The following ASB5 variants were observed in gnomAD, a reference collection of about 807,000 sequenced individuals.
ASB5 encodes the protein ankyrin repeat and SOCS box containing 5.
ASB5 carries 45 observed loss-of-function variants against 42.1 expected under a neutral mutation model. That is an observed-to-expected ratio of 1.07 (90% CI 0.84 to 1.37). ASB5 has a LOEUF of 1.37. ASB5 is among the 40% of genes most tolerant of loss of function. The pLI, the probability that ASB5 is intolerant of heterozygous loss-of-function variation, is 0.00. For synonymous variants in ASB5, 147 were observed against 150.6 expected, an observed-to-expected ratio of 0.98 and a Z score of 0.18; for missense variants, 402 against 399.8, an observed-to-expected ratio of 1.01 and a Z score of -0.05.
At chr4:176,236,991 C>A (rs1753702137) in intron 1 of ASB5, among the ~76,000 whole-genome samples, 1 of 152,264 alleles carries the variant, frequency 6.6e-6, no homozygotes, top group African/African-American at 2.4e-5. Context: ...TCTTTTCCTG[C>A]TTAATAGCAT....
intron 1 of ASB5, among the ~76,000 whole-genome samples, chr4:176,236,075 G>A (rs1403406446): frequency 2.0e-5 from 3 of 151,948 alleles, no homozygotes; most frequent in African/African-American, 7.3e-5. Context: ...TTAGATTTTT[G>A]ACATAAAACG....
At chr4:176,219,167 A>G (rs1753092106) in intron 5 of ASB5, among the ~76,000 whole-genome samples, 1 of 121,948 alleles carries the variant, frequency 8.2e-6, no homozygotes, top group South Asian at 2.4e-4. Context: ...TATGACATAT[A>G]AATATATATT....
At chr4:176,219,533 A>AAT (rs1283385552) in intron 5 of ASB5, among the ~76,000 whole-genome samples, 1 of 47,210 alleles carries the variant, frequency 2.1e-5, no homozygotes, top group Non-Finnish European at 5.0e-5. Context: ...ATGATATATA[A>AAT]ATATATATAT....
At chr4:176,227,045 C>G (rs1391976157) in intron 1 of ASB5, among the ~76,000 whole-genome samples, 1 of 152,248 alleles carries the variant, frequency 6.6e-6, no homozygotes, top group Admixed American at 6.5e-5. Flanking sequence ...GCAGTAAAAT[C>G]ACTCTGCATA....
At chr4:176,243,461 C>T (rs1052666084) in intron 1 of ASB5, among the ~76,000 whole-genome samples, 2 of 151,624 alleles carry the variant, frequency 1.3e-5, no homozygotes, top group Non-Finnish European at 2.9e-5. Context: ...TAAATTCAAC[C>T]TCTTATTATA....
intron 1 of ASB5, among the ~76,000 whole-genome samples, chr4:176,255,822 C>A (rs1462633377): frequency 6.6e-6 from 1 of 152,090 alleles, no homozygotes; most frequent in Non-Finnish European, 1.5e-5. Context: ...ACAACATACC[C>A]AGGTAACAAA....
chr4:176,255,794 C>T (rs895093312), intron 1 of ASB5, among the ~76,000 whole-genome samples: 9 of 152,090 alleles, frequency 5.9e-5, no homozygotes, highest in African/African-American at 2.2e-4. Context: ...TCAATTGTAA[C>T]CCAAACCTCA....
chr4:176,240,571 C>G (rs955695496), intron 1 of ASB5, among the ~76,000 whole-genome samples: 10 of 152,138 alleles, frequency 6.6e-5, no homozygotes, highest in Non-Finnish European at 1.5e-4. Context: ...AGGTTGAAAT[C>G]GAAGAGGCAT....
At chr4:176,219,439 T>C (rs1207595588) in intron 5 of ASB5, among the ~76,000 whole-genome samples, 7 of 83,138 alleles carry the variant, frequency 8.4e-5, no homozygotes, top group Non-Finnish European at 1.6e-4. Context: ...TATAAATATA[T>C]ATATTTGTAT....
At chr4:176,216,078 T>C (rs1269527266) in intron 6 of ASB5, among the ~76,000 whole-genome samples, 1 of 152,074 alleles carries the variant, frequency 6.6e-6, no homozygotes, top group Non-Finnish European at 1.5e-5. Flanking sequence ...AAATTAAGTT[T>C]AATATTTACC....
intron 1 of ASB5, among the ~76,000 whole-genome samples, chr4:176,240,876 A>G (rs1294625822): frequency 2.0e-5 from 3 of 152,214 alleles, no homozygotes; most frequent in African/African-American, 7.2e-5. Context: ...CCATTGTCAG[A>G]AAAAGAACAT....
Position 176,221,541 on chromosome 4 carries a change from A to G in ASB5, c.444T>C (p.Ser148=). The G allele has an allele frequency of 1.2e-6, 2 of 1,614,020 alleles. No individual in the cohort carries two copies. The highest frequency in any genetic ancestry group is 1.7e-6 in the Non-Finnish European group (2 of 1,179,910). Residue 148 remains serine (S), a synonymous_variant, in exon 4 of 7, where the codon AGT becomes AGC. Coordinates refer to ENST00000296525, the MANE Select transcript of ASB5 (RefSeq NM_080874.4). ...TPLFNACSQG[S]PSCAELLLEY... ...CCAGAAGCAGCTCTGCACAGCTTGG[A>G]CTGCCTTGGGAGCATGCGTTGAATA...
At chr4:176,223,880 C>T (rs1753294019) in intron 2 of ASB5, among the ~76,000 whole-genome samples, 1 of 152,176 alleles carries the variant, frequency 6.6e-6, no homozygotes, top group East Asian at 1.9e-4. Flanking sequence ...TTCAAAGAAC[C>T]ACACGGCCCT....
chr4:176,222,280 T>A (rs1172096149), intron 3 of ASB5, 33 bp downstream of exon 3: 1 of 1,538,220 alleles, frequency 6.5e-7, no homozygotes, highest in South Asian at 1.1e-5. Context: ...CGTCAGTAGA[T>A]GTTAAATGAT....
intron 1 of ASB5, among the ~76,000 whole-genome samples, chr4:176,227,498 C>A (rs992952996): frequency 1.3e-5 from 2 of 152,120 alleles, no homozygotes; most frequent in Non-Finnish European, 2.9e-5. Flanking sequence ...TAATGATAAC[C>A]TGATTGCCTA....
Position 176,269,170 on chromosome 4 carries a change from C to G in ASB5, c.-62G>C. ...CCAAGTCTCAAATGTGCCTGGCTCT[C>G]GTCCGGGATGCTCCTGAACAGCTGG... On this transcript the variant is annotated 5_prime_UTR_variant, in exon 1 of 7. Transcript: ENST00000296525. 2.7e-6 allele frequency: 4 copies of G among 1,487,578 alleles called. No individual in the cohort carries two copies. The South Asian group carries it at 5.0e-5, about 19-fold the overall frequency. The allele number at this position is 1,487,578 out of a possible 1,614,324, so 92.1% of individuals were successfully genotyped here. A position where few individuals can be genotyped will look rare whatever the true frequency, so the allele number is the denominator to read the frequency against.
At chr4:176,226,393 T>G (rs767533473) in intron 1 of ASB5, among the ~76,000 whole-genome samples, 35 of 152,148 alleles carry the variant, frequency 2.3e-4, no homozygotes, top group Non-Finnish European at 4.6e-4. Flanking sequence ...GACTGAGAAT[T>G]ATATTGGCTT....
At chr4:176,217,871 C>T (rs931940890) in intron 5 of ASB5, among the ~76,000 whole-genome samples, 2 of 151,938 alleles carry the variant, frequency 1.3e-5, no homozygotes, top group Non-Finnish European at 2.9e-5. Context: ...CCGATACTAT[C>T]TTTAAAACTA....
intron 2 of ASB5, among the ~76,000 whole-genome samples, chr4:176,224,648 C>T (rs1313352556): frequency 6.6e-6 from 1 of 152,052 alleles, no homozygotes; most frequent in Non-Finnish European, 1.5e-5. Context: ...GCTGGAATCA[C>T]AAGCGTGAGC....
Sources: allele counts gnomAD v4.1 joint callset (sites outside exome capture counted in the v4.1 genomes callset), GRCh38; gene constraint gnomAD v4.1.1; transcripts MANE v1.5; gene names NCBI Gene and HGNC (gene_info 2026-07-23, HGNC 2026-07-21).